B9D1: variants seen among roughly 807,000 people sequenced by gnomAD.
B9D1 encodes B9 domain-containing protein 1.
A neutral mutation model predicts 26.1 loss-of-function variants in B9D1; 20 were observed. The observed-to-expected ratio is 0.77, with a 90% CI of 0.54 to 1.12. The LOEUF is 1.12. Ranked by LOEUF, B9D1 falls within the 50% of genes most tolerant of loss-of-function variation. The pLI is 0.00. For synonymous variants in B9D1, 105 were observed against 103.1 expected, an observed-to-expected ratio of 1.02 and a Z score of -0.11; for missense variants, 260 against 273.7, an observed-to-expected ratio of 0.95 and a Z score of 0.35.
chr17:19,340,089 C>G (rs1378434354), downstream of B9D1, among the ~76,000 whole-genome samples: 1 of 146,760 alleles, frequency 6.8e-6, no homozygotes, highest in African/African-American at 2.5e-5. Flanking sequence ...TTAAATCTCA[C>G]TGCATCATCT....
intron 2 of B9D1, among the ~76,000 whole-genome samples, chr17:19,359,000 T>C (rs1017085286): frequency 1.3e-5 from 2 of 152,082 alleles, no homozygotes; most frequent in Non-Finnish European, 2.9e-5. Flanking sequence ...AACTCCTCCT[T>C]CTCTCAGACC....
At chr17:19,348,454 A>G (rs1015595883) in intron 3 of B9D1, among the ~76,000 whole-genome samples, 1 of 152,222 alleles carries the variant, frequency 6.6e-6, no homozygotes, top group Non-Finnish European at 1.5e-5. Flanking sequence ...GGTGAGGCCC[A>G]GGGAGGGACT....
intron 1 of B9D1, among the ~76,000 whole-genome samples, chr17:19,374,643 G>A (rs1567914016): frequency 6.6e-6 from 1 of 152,116 alleles, no homozygotes. Flanking sequence ...TCATCTAAAT[G>A]TCTATCTAGG....
intron 2 of B9D1, 87 bp from the exon 3 acceptor site, chr17:19,358,038 A>C (rs913536111): frequency 2.4e-5 from 23 of 978,362 alleles, no homozygotes; most frequent in South Asian, 5.2e-5. Context: ...GGCAGTTGGG[A>C]GGGCTGTTTT....
intron 1 of B9D1, among the ~76,000 whole-genome samples, chr17:19,368,736 G>A (rs1400271148): frequency 6.6e-6 from 1 of 152,260 alleles, no homozygotes; most frequent in African/African-American, 2.4e-5. Flanking sequence ...TTCGAGCCCA[G>A]AAGTTCAAGA....
intron 3 of B9D1, among the ~76,000 whole-genome samples, chr17:19,349,712 A>T (rs1909335358): frequency 6.6e-6 from 1 of 152,030 alleles, no homozygotes; most frequent in African/African-American, 2.4e-5. Flanking sequence ...TATAGTGTGT[A>T]TATGTGTGTT....
At chr17:19,377,741 G>C in intron 1 of B9D1, 1 of 748,394 alleles carries the variant, frequency 1.3e-6, no homozygotes, top group East Asian at 1.3e-4. Flanking sequence ...TCCAGCGAGG[G>C]CTCCGCCCAC....
At chr17:19,343,736 C>T (rs771846311) in intron 6 of B9D1, 54 bp downstream of exon 6, 4 of 1,613,036 alleles carry the variant, frequency 2.5e-6, no homozygotes, top group Admixed American at 1.7e-5. Flanking sequence ...CCCACCCACT[C>T]CCAGGCTGTA....
rs538120344 is a variant in B9D1, at chr17:19,347,050, C to G, written c.404+219G>C. 4.5e-6 allele frequency: 7 copies of G among 1,548,594 alleles called. No homozygotes were observed. The East Asian group carries it at 9.8e-5, about 22-fold the overall frequency. ...CTCCCTCAGACACAAAGATTTTTCA[C>G]AGGGCACAGGGTAAAATCGCCCGGC... On this transcript the variant is annotated intron_variant, in intron 5 of 6. Transcript: ENST00000261499. The surrounding 1 kb of genome is among the most constrained non-coding windows in gnomAD (Gnocchi z 4.3).
At position 19,362,708 on chromosome 17, in the gene B9D1, T is replaced by G. The variant is rs1162004200; in HGVS notation, c.-139A>C. On this transcript the variant is annotated 5_prime_UTR_variant, in exon 1 of 7. Transcript: ENST00000261499. ...GACACCTTCGCGAAGGCCACGCGAGTGCGCGTGTGGCATGCGCAGGCGCAG... is the reference window on the plus strand; with the variant it reads ...GACACCTTCGCGAAGGCCACGCGAGGGCGCGTGTGGCATGCGCAGGCGCAG... 7 of 1,444,772 alleles carry G rather than the reference T, an allele frequency of 4.8e-6. No homozygotes were observed. Among genetic ancestry groups the G allele is most frequent in the South Asian group, 1.2e-5 (1 of 82,704 alleles). The allele number at this position is 1,444,772 out of a possible 1,614,324, so 89.5% of individuals were successfully genotyped here. A position where few individuals can be genotyped will look rare whatever the true frequency, so the allele number is the denominator to read the frequency against.
At chr17:19,335,453 G>A, downstream of B9D1, 1 of 1,550,038 alleles carries the variant, frequency 6.5e-7, no homozygotes, top group South Asian at 1.2e-5. Flanking sequence ...ATCTGAAATG[G>A]AAGAAACATC....
intron 1 of B9D1, among the ~76,000 whole-genome samples, chr17:19,377,436 C>T (rs1912193346): frequency 1.3e-5 from 2 of 152,212 alleles, no homozygotes; most frequent in South Asian, 2.1e-4. Flanking sequence ...GAATGATCTT[C>T]AGGAAAAGAG....
chr17:19,343,117 C>T (rs1168041673), downstream of B9D1: 2 of 1,425,148 alleles, frequency 1.4e-6, no homozygotes, highest in South Asian at 1.5e-5. Context: ...GGCCCAAGAG[C>T]CCCCAGCTCC....
downstream of B9D1, chr17:19,335,594 C>A: frequency 6.7e-6 from 6 of 896,112 alleles, no homozygotes; most frequent in Non-Finnish European, 9.8e-6. Context: ...GGTCCCTGGG[C>A]AACAGTCCCT....
intron 3 of B9D1, among the ~76,000 whole-genome samples, chr17:19,353,180 TG>T (rs1909871746): frequency 6.6e-6 from 1 of 151,114 alleles, no homozygotes; most frequent in Admixed American, 6.6e-5. Flanking sequence ...TTCACCATGT[TG>T]GCCAGGCTGG....
At chr17:19,367,018 G>C (rs1011311748), upstream of B9D1, among the ~76,000 whole-genome samples, 4 of 152,182 alleles carry the variant, frequency 2.6e-5, no homozygotes, top group Admixed American at 2.6e-4. Flanking sequence ...GGGCGGTCAC[G>C]AGACATGTAG....
At position 19,347,349 on chromosome 17, in the gene B9D1, GCAGA is replaced by G; in HGVS notation, c.342-22_342-19del. On this transcript the variant is annotated intron_variant, in intron 4 of 6. Transcript: ENST00000261499. The surrounding 1 kb of genome is among the most constrained non-coding windows in gnomAD (Gnocchi z 4.3). ...TTTTGTGCCTGAAACAAATGTTTTTGCAGACAGAGATGCTGAGTAAGAGACCTTT... is the reference window on the plus strand; with the variant it reads ...TTTTGTGCCTGAAACAAATGTTTTTGCAGAGATGCTGAGTAAGAGACCTTT... 1 of 1,613,998 alleles carries G rather than the reference GCAGA, an allele frequency of 6.2e-7. No individual in the cohort carries two copies.
chr17:19,360,074 G>C (rs1365362018), intron 2 of B9D1, among the ~76,000 whole-genome samples: 1 of 152,162 alleles, frequency 6.6e-6, no homozygotes. Flanking sequence ...TGCAGGTGTT[G>C]CTCTTTGCTG....
At chr17:19,350,834 ATTT>A (rs904320690) in intron 3 of B9D1, among the ~76,000 whole-genome samples, 2 of 143,978 alleles carry the variant, frequency 1.4e-5, no homozygotes, top group African/African-American at 5.1e-5. Flanking sequence ...GATGATCATG[ATTT>A]TTTTTTTCTT....
Sources: gnomAD v4.1 joint callset for allele counts (sites outside exome capture counted in the v4.1 genomes callset) on GRCh38, gnomAD v4.1.1 for gene constraint, Gnocchi (gnomAD v3.1) non-coding constraint, MANE v1.5 for transcripts, NCBI Gene and HGNC (gene_info 2026-07-23, HGNC 2026-07-21) for gene names.